Variants in PRKAR2B observed in about 807,000 individuals in gnomAD.
PRKAR2B encodes protein kinase cAMP-dependent type II regulatory subunit beta.
In PRKAR2B, 14 loss-of-function variants were observed where a neutral mutation model predicts 49.9. The observed-to-expected ratio is 0.28, with a 90% CI of 0.19 to 0.44. The LOEUF is 0.44. PRKAR2B is among the 20% of genes least tolerant of loss of function. The pLI is 1.00. For synonymous variants in PRKAR2B, 196 were observed against 197.7 expected, an observed-to-expected ratio of 0.99 and a Z score of 0.07; for missense variants, 393 against 537.9, an observed-to-expected ratio of 0.73 and a Z score of 2.67.
intron 2 of PRKAR2B, among the ~76,000 whole-genome samples, chr7:107,102,415 C>A (rs1794988775): frequency 6.6e-6 from 1 of 152,150 alleles, no homozygotes; most frequent in African/African-American, 2.4e-5. Flanking sequence ...GCTATCCTTG[C>A]AGGTTGCTTT....
chr7:107,071,383 T>C (rs1325572419), intron 2 of PRKAR2B, among the ~76,000 whole-genome samples: 1 of 152,248 alleles, frequency 6.6e-6, no homozygotes, highest in African/African-American at 2.4e-5. Context: ...ATAAGGATAA[T>C]ATGCTATATT....
intron 2 of PRKAR2B, among the ~76,000 whole-genome samples, chr7:107,108,041 A>G (rs999178719): frequency 1.3e-5 from 2 of 152,212 alleles, no homozygotes; most frequent in African/African-American, 4.8e-5. Flanking sequence ...AAAAAAGCAC[A>G]GAAAGAGGAG....
chr7:107,142,404 A>G (rs373821266), intron 5 of PRKAR2B, among the ~76,000 whole-genome samples: 4 of 152,204 alleles, frequency 2.6e-5, no homozygotes, highest in African/African-American at 7.2e-5. Flanking sequence ...ATTAATAGCT[A>G]TCATCACTGA....
chr7:107,046,588 T>A (rs1467174828), intron 1 of PRKAR2B, among the ~76,000 whole-genome samples: 1 of 152,210 alleles, frequency 6.6e-6, no homozygotes, highest in Non-Finnish European at 1.5e-5. Context: ...ATAAACATAG[T>A]CTTAATAATT....
chr7:107,090,381 A>C (rs1433622351), intron 2 of PRKAR2B, among the ~76,000 whole-genome samples: 1 of 152,148 alleles, frequency 6.6e-6, no homozygotes, highest in Non-Finnish European at 1.5e-5. Flanking sequence ...GCTTCCCCAA[A>C]ATCCCAGGAA....
At chr7:107,150,804 A>G (rs1337118800) in intron 6 of PRKAR2B, 118 bp from the exon 7 acceptor site, 2 of 587,716 alleles carry the variant, frequency 3.4e-6, no homozygotes, top group Non-Finnish European at 6.0e-6. Flanking sequence ...TTAAAAGTAT[A>G]ATGATGTTAA....
At chr7:107,145,756 T>G (rs1795879983) in intron 5 of PRKAR2B, among the ~76,000 whole-genome samples, 1 of 137,126 alleles carries the variant, frequency 7.3e-6, no homozygotes. Context: ...TTTTTTTTTT[T>G]GAGTTGGAGT....
chr7:107,055,482 C>G (rs1793893874), intron 1 of PRKAR2B, among the ~76,000 whole-genome samples: 2 of 152,146 alleles, frequency 1.3e-5, no homozygotes, highest in African/African-American at 2.4e-5. Flanking sequence ...CTGTTGTTTC[C>G]TGACTTTTTA....
intron 2 of PRKAR2B, among the ~76,000 whole-genome samples, chr7:107,074,649 A>G (rs1289925617): frequency 1.3e-5 from 2 of 151,924 alleles, no homozygotes; most frequent in Non-Finnish European, 2.9e-5. Flanking sequence ...AAATACAAAA[A>G]TTAGCTGGGT....
chr7:107,150,542 G>A (rs879250897), intron 6 of PRKAR2B, among the ~76,000 whole-genome samples: 2 of 151,326 alleles, frequency 1.3e-5, no homozygotes, highest in Non-Finnish European at 2.9e-5. Context: ...TTGACATAAT[G>A]TGGATATGAA....
chr7:107,146,755 C>A (rs190862951), intron 6 of PRKAR2B, among the ~76,000 whole-genome samples: 6 of 152,270 alleles, frequency 3.9e-5, no homozygotes, highest in African/African-American at 1.2e-4. Context: ...ACCAGCCATA[C>A]AAACACAGCC....
intron 2 of PRKAR2B, among the ~76,000 whole-genome samples, chr7:107,117,429 A>C (rs1483418758): frequency 6.6e-6 from 1 of 152,146 alleles, no homozygotes; most frequent in African/African-American, 2.4e-5. Context: ...TATGGAAGTC[A>C]ATTTTTCTAG....
In PRKAR2B at chr7:107,146,439, C is replaced by G; in HGVS notation, c.719C>G (p.Ser240Cys). Residue 240 changes from serine (S) to cysteine (C), a missense_variant, in exon 6 of 11, where the codon TCT becomes TGT. By Grantham distance (112) the Ser-to-Cys change is moderately radical. This residue lies in a region of PRKAR2B where 233 missense variants were observed against 390.4 expected (regional missense o/e 0.60). Coordinates refer to ENST00000265717, the MANE Select transcript of PRKAR2B (RefSeq NM_002736.3). Reference protein sequence around the residue: ...TPRAATITATSPGALWGLDRV... With the variant: ...TPRAATITATCPGALWGLDRV... ...AGAGCAGCTACAATCACTGCTACCT[C>G]TCCTGGTGCTCTGTGGGGTTTGGTG... is the stretch of plus-strand genomic sequence containing the variant. 2 of 1,613,952 alleles carry G rather than the reference C, an allele frequency of 1.2e-6. No individual in the cohort carries two copies. The highest frequency in any genetic ancestry group is 1.7e-6 in the Non-Finnish European group (2 of 1,179,892).
chr7:107,118,582 T>C (rs1795333136), intron 2 of PRKAR2B, among the ~76,000 whole-genome samples: 1 of 152,160 alleles, frequency 6.6e-6, no homozygotes, highest in Non-Finnish European at 1.5e-5. Flanking sequence ...GCAAACAGCT[T>C]GTAACATCTT....
Position 107,135,862 on chromosome 7 carries a change from C to T in PRKAR2B, c.481-4985C>T, listed in dbSNP as rs146431159. Among the ~76,000 whole-genome samples, 896 of 152,158 alleles carry T rather than the reference C, an allele frequency of 5.9e-3. 10 individuals are homozygous for T. Among genetic ancestry groups the T allele is most frequent in the African/African-American group, 0.021 (852 of 41,532 alleles). ...CCTAAAGTTTGGAGAGGCAAAAGACCTAGGAGAGCTAACACAATATTGAAG... is the reference window on the plus strand; with the variant it reads ...CCTAAAGTTTGGAGAGGCAAAAGACTTAGGAGAGCTAACACAATATTGAAG... On this transcript the variant is annotated intron_variant, in intron 4 of 10. Coordinates refer to ENST00000265717, the MANE Select transcript of PRKAR2B (RefSeq NM_002736.3).
At chr7:107,051,842 G>A (rs957466560) in intron 1 of PRKAR2B, among the ~76,000 whole-genome samples, 1 of 152,052 alleles carries the variant, frequency 6.6e-6, no homozygotes, top group Non-Finnish European at 1.5e-5. Context: ...CCACATAAAA[G>A]TGAAGCCAAG....
At chr7:107,101,398 A>T (rs549585518) in intron 2 of PRKAR2B, among the ~76,000 whole-genome samples, 1 of 152,134 alleles carries the variant, frequency 6.6e-6, no homozygotes, top group African/African-American at 2.4e-5. Context: ...ACTTTCTGCC[A>T]AGCTAACTCA....
At chr7:107,096,271 G>GT (rs1174662532) in intron 2 of PRKAR2B, among the ~76,000 whole-genome samples, 1 of 152,078 alleles carries the variant, frequency 6.6e-6, no homozygotes, top group Non-Finnish European at 1.5e-5. Context: ...TTTCTTCTAG[G>GT]TTTTTTAGTT....
In PRKAR2B at chr7:107,068,370, C is replaced by G. The variant is rs565355927; in HGVS notation, c.308-1911C>G. ...CCTATATCTGCTTGCACTCTCCGTT[C>G]TGCATTCCTGTGGTTGCATTTTTTT... is the stretch of plus-strand genomic sequence containing the variant. On this transcript the variant is annotated intron_variant, in intron 1 of 10. Coordinates refer to ENST00000265717, the MANE Select transcript of PRKAR2B (RefSeq NM_002736.3). Among the ~76,000 whole-genome samples the G allele has an allele frequency of 1.1e-4, 17 of 152,168 alleles. No homozygotes were observed. In the East Asian group the frequency reaches 3.1e-3, roughly 28 times the overall value.
Sources: gnomAD v4.1 joint callset for allele counts (sites outside exome capture counted in the v4.1 genomes callset) on GRCh38, gnomAD v4.1.1 for gene constraint, gnomAD v4.1.1 regional missense constraint, MANE v1.5 for transcripts, NCBI Gene and HGNC (gene_info 2026-07-23, HGNC 2026-07-21) for gene names.